Variants in DENND1A observed in about 807,000 individuals in gnomAD.
DENND1A encodes DENN domain-containing protein 1A.
Under a neutral mutation model 113.7 loss-of-function variants are expected in DENND1A, and 51 were observed. The observed-to-expected ratio is 0.45, with a 90% confidence interval of 0.36 to 0.57. The LOEUF (loss-of-function observed/expected upper bound fraction) is 0.57. DENND1A is among the 20% of genes least tolerant of loss of function. The pLI is 0.00. For synonymous variants in DENND1A, 565 were observed against 570.8 expected, an observed-to-expected ratio of 0.99 and a Z score of 0.14; for missense variants, 1,258 against 1,395.9, an observed-to-expected ratio of 0.90 and a Z score of 1.57.
intron 2 of DENND1A, among the ~76,000 whole-genome samples, chr9:123,793,195 T>C (rs1833265076): frequency 6.6e-6 from 1 of 152,218 alleles, no homozygotes; most frequent in African/African-American, 2.4e-5. Flanking sequence ...GCTTTTGGCT[T>C]GTCAGTGTAA....
At chr9:123,612,269 T>C (rs532026968) in intron 10 of DENND1A, among the ~76,000 whole-genome samples, 1 of 152,362 alleles carries the variant, frequency 6.6e-6, no homozygotes, top group South Asian at 2.1e-4. Flanking sequence ...AACATCTCAA[T>C]GTGGTACTTA....
chr9:123,753,267 G>A (rs1013903747), intron 5 of DENND1A, among the ~76,000 whole-genome samples: 1 of 152,118 alleles, frequency 6.6e-6, no homozygotes, highest in African/African-American at 2.4e-5. Flanking sequence ...TTTGTGGGAG[G>A]AGAAAAAAAC....
chr9:123,529,775 A>G (rs2055146697), intron 13 of DENND1A, among the ~76,000 whole-genome samples: 2 of 152,206 alleles, frequency 1.3e-5, no homozygotes, highest in Admixed American at 6.5e-5. Flanking sequence ...TGATAGAATA[A>G]TGCAGTGATG....
At chr9:123,624,670 T>G (rs1230893062) in intron 10 of DENND1A, among the ~76,000 whole-genome samples, 1 of 152,230 alleles carries the variant, frequency 6.6e-6, no homozygotes, top group Non-Finnish European at 1.5e-5. Flanking sequence ...CTTAATTTTC[T>G]GGAGTGGAAA....
chr9:123,741,503 A>G (rs985907895), intron 5 of DENND1A, among the ~76,000 whole-genome samples: 5 of 152,242 alleles, frequency 3.3e-5, no homozygotes, highest in East Asian at 1.9e-4. Context: ...TTTGGATTAA[A>G]GACAAGAACT....
At chr9:123,830,931 C>G (rs986377476) in intron 2 of DENND1A, among the ~76,000 whole-genome samples, 14 of 129,040 alleles carry the variant, frequency 1.1e-4, no homozygotes, top group Non-Finnish European at 1.8e-4. Flanking sequence ...CTGCCATCAT[C>G]AATCTCATTA....
chr9:123,581,153 G>C (rs1313157644), intron 12 of DENND1A, among the ~76,000 whole-genome samples: 1 of 152,094 alleles, frequency 6.6e-6, no homozygotes, highest in Non-Finnish European at 1.5e-5. Flanking sequence ...TAGCTCTGTG[G>C]GTCAAGCGGG....
intron 3 of DENND1A, among the ~76,000 whole-genome samples, chr9:123,783,314 C>T (rs780938050): frequency 6.6e-6 from 1 of 152,160 alleles, no homozygotes; most frequent in Non-Finnish European, 1.5e-5. Context: ...TTTGTGACTT[C>T]TCTAAATTTT....
chr9:123,629,537 CAT>C (rs1010381548), intron 10 of DENND1A, among the ~76,000 whole-genome samples: 1 of 152,204 alleles, frequency 6.6e-6, no homozygotes, highest in African/African-American at 2.4e-5. Flanking sequence ...GGGGTCCTTT[CAT>C]ATGTTATCTT....
intron 9 of DENND1A, among the ~76,000 whole-genome samples, chr9:123,646,888 T>G (rs1295832581): frequency 6.6e-6 from 1 of 151,948 alleles, no homozygotes; most frequent in African/African-American, 2.4e-5. Flanking sequence ...GAATGCAGAG[T>G]CCAGGAGTAC....
intron 1 of DENND1A, among the ~76,000 whole-genome samples, chr9:123,909,782 T>A (rs951596765): frequency 2.6e-5 from 4 of 151,968 alleles, no homozygotes; most frequent in Admixed American, 6.5e-5. Flanking sequence ...TGTATACATA[T>A]AAAATAAAAA....
At chr9:123,500,624 T>C (rs1489659666) in intron 13 of DENND1A, among the ~76,000 whole-genome samples, 1 of 152,198 alleles carries the variant, frequency 6.6e-6, no homozygotes, top group East Asian at 1.9e-4. Flanking sequence ...CTATTTGCAC[T>C]TAACACCTGC....
intron 3 of DENND1A, among the ~76,000 whole-genome samples, chr9:123,775,425 C>G (rs1830319858): frequency 6.6e-6 from 1 of 151,850 alleles, no homozygotes; most frequent in Non-Finnish European, 1.5e-5. Context: ...GGACACAAGT[C>G]AGAACATACC....
intron 13 of DENND1A, among the ~76,000 whole-genome samples, chr9:123,535,863 T>C (rs1456421293): frequency 6.6e-6 from 1 of 152,212 alleles, no homozygotes; most frequent in Non-Finnish European, 1.5e-5. Flanking sequence ...CACTAGAATG[T>C]AAATTCCAAG....
intron 3 of DENND1A, among the ~76,000 whole-genome samples, chr9:123,790,627 A>G (rs529537707): frequency 5.3e-5 from 8 of 152,304 alleles, no homozygotes; most frequent in Non-Finnish European, 1.0e-4. Context: ...TAATAATTCC[A>G]ACTTCAATAT....
chr9:123,519,233 T>A (rs981155251), intron 13 of DENND1A, among the ~76,000 whole-genome samples: 5 of 152,204 alleles, frequency 3.3e-5, no homozygotes, highest in African/African-American at 1.2e-4. Flanking sequence ...GTCTCCTTGT[T>A]TACTATTGTA....
intron 13 of DENND1A, among the ~76,000 whole-genome samples, chr9:123,533,618 G>A (rs1001021027): frequency 3.9e-5 from 6 of 152,206 alleles, no homozygotes; most frequent in African/African-American, 1.4e-4. Flanking sequence ...GAGGGAGAGA[G>A]TCTTCCAACC....
chr9:123,666,767 T>C (rs1012002354), intron 8 of DENND1A, among the ~76,000 whole-genome samples: 20 of 152,320 alleles, frequency 1.3e-4, no homozygotes, highest in African/African-American at 4.8e-4. Context: ...AATATCATAT[T>C]AATACATAAT....
At chr9:123,642,989 T>C (rs771900871) in intron 9 of DENND1A, among the ~76,000 whole-genome samples, 4 of 152,070 alleles carry the variant, frequency 2.6e-5, no homozygotes, top group Admixed American at 6.5e-5. Context: ...GGCCCTTTCT[T>C]AGGGCTCAAG....
Sources: allele counts gnomAD v4.1 joint callset (sites outside exome capture counted in the v4.1 genomes callset), GRCh38; gene constraint gnomAD v4.1.1; transcripts MANE v1.5; gene names NCBI Gene and HGNC (gene_info 2026-07-23, HGNC 2026-07-21).